ATP1B3: variants seen among roughly 807,000 people sequenced by gnomAD.
ATP1B3 encodes ATPase Na+/K+ transporting subunit beta 3, also known as sodium/potassium-transporting ATPase subunit beta-3.
A neutral mutation model predicts 30.2 loss-of-function variants in ATP1B3; 10 were observed. The observed-to-expected ratio is 0.33, with a 90% CI of 0.20 to 0.56. The LOEUF is 0.56. Among genes scored for constraint, ATP1B3 ranks in the 20% least tolerant of loss-of-function variants. The pLI is 0.90. For synonymous variants in ATP1B3, 113 were observed against 117.0 expected, an observed-to-expected ratio of 0.97 and a Z score of 0.22; for missense variants, 238 against 336.7, an observed-to-expected ratio of 0.71 and a Z score of 2.29.
At chr3:141,909,084 A>C (rs78880487) in intron 3 of ATP1B3, among the ~76,000 whole-genome samples, 1 of 151,720 alleles carries the variant, frequency 6.6e-6, no homozygotes, top group African/African-American at 2.4e-5. Flanking sequence ...AAAATCTTCA[A>C]CTCTCTCCTA....
intron 3 of ATP1B3, among the ~76,000 whole-genome samples, chr3:141,912,797 C>T (rs1421294171): frequency 6.6e-6 from 1 of 152,120 alleles, no homozygotes; most frequent in African/African-American, 2.4e-5. Context: ...CATATTTCTC[C>T]TCCCTCTTCC....
chr3:141,904,295 G>C (rs1365795207), intron 2 of ATP1B3, among the ~76,000 whole-genome samples: 1 of 147,426 alleles, frequency 6.8e-6, no homozygotes, highest in Non-Finnish European at 1.5e-5. Context: ...TGTTTTGTTT[G>C]TTTCGGTTTC....
chr3:141,925,708 T>G lies in ATP1B3; in HGVS notation c.*7T>G, dbSNP rs1278934946. The G allele has an allele frequency of 6.2e-7, 1 of 1,608,180 alleles. No individual in the cohort carries two copies. Among genetic ancestry groups the G allele is most frequent in the Admixed American group, 1.7e-5 (1 of 59,666 alleles). On this transcript the variant is annotated 3_prime_UTR_variant, in exon 7 of 7. Transcript: ENST00000286371. The stretch of plus-strand genomic sequence containing the variant: ...AATCACAGCACGTGCATAGTATGAG[T>G]AGGATATCTCCACAGAGTAAATGTT...
intron 2 of ATP1B3, among the ~76,000 whole-genome samples, chr3:141,905,849 A>T (rs1481623114): frequency 5.3e-5 from 8 of 152,128 alleles, no homozygotes; most frequent in Non-Finnish European, 1.0e-4. Flanking sequence ...AATATTTTTA[A>T]GTACACAGTT....
At chr3:141,907,089 A>G in intron 2 of ATP1B3, 78 bp from the exon 3 acceptor site, 2 of 1,069,306 alleles carry the variant, frequency 1.9e-6, no homozygotes, top group Non-Finnish European at 2.7e-6. Flanking sequence ...TAATTTGCTG[A>G]GATCTGCTTT....
Position 141,925,645 on chromosome 3 carries a change from G to T in ATP1B3, c.784G>T (p.Asp262Tyr). Reference protein sequence around the residue: ...IDGSANLKSQDDRDKFLGRVM... With the variant: ...IDGSANLKSQYDRDKFLGRVM... The stretch of plus-strand genomic sequence containing the variant: ...TGGATCAGCCAACCTAAAAAGTCAG[G>T]ATGATCGTGACAAGTTTTTGGGACG... Residue 262 changes from aspartate (D) to tyrosine (Y), a missense_variant, in exon 7 of 7, where the codon GAT becomes TAT. Asp to Tyr is a radical substitution (Grantham distance 160). Transcript: ENST00000286371. The T allele has an allele frequency of 1.2e-6, 2 of 1,613,082 alleles. No homozygotes were observed. The highest frequency in any genetic ancestry group is 1.7e-6 in the Non-Finnish European group (2 of 1,179,862).
chr3:141,886,040 C>T (rs949005768), intron 1 of ATP1B3, among the ~76,000 whole-genome samples: 5 of 152,090 alleles, frequency 3.3e-5, no homozygotes, highest in South Asian at 2.1e-4. Context: ...CCACTGCTGT[C>T]GGGTTATTTC....
chr3:141,895,165 A>G (rs1047298011), intron 1 of ATP1B3, among the ~76,000 whole-genome samples: 2 of 128,382 alleles, frequency 1.6e-5, no homozygotes, highest in Non-Finnish European at 1.7e-5. Context: ...TGTGCATGTT[A>G]TTGTCTCTTT....
chr3:141,908,336 C>T (rs1352646278), intron 3 of ATP1B3, among the ~76,000 whole-genome samples: 1 of 152,098 alleles, frequency 6.6e-6, no homozygotes, highest in Non-Finnish European at 1.5e-5. Flanking sequence ...GAGTAATCAT[C>T]GAATGTCCTG....
At chr3:141,914,048 G>A (rs1360978939) in intron 4 of ATP1B3, among the ~76,000 whole-genome samples, 1 of 152,174 alleles carries the variant, frequency 6.6e-6, no homozygotes, top group African/African-American at 2.4e-5. Flanking sequence ...ATTAATCATG[G>A]AGTAAGGAGT....
intron 1 of ATP1B3, among the ~76,000 whole-genome samples, chr3:141,890,086 C>CTTTTTTTTT (rs1245235657): frequency 1.0e-4 from 11 of 107,544 alleles, no homozygotes; most frequent in Non-Finnish European, 1.5e-4. Flanking sequence ...AATTTTTTTT[C>CTTTTTTTTT]TTTTTTTTTT....
At chr3:141,912,383 C>T (rs1934381192) in intron 3 of ATP1B3, among the ~76,000 whole-genome samples, 1 of 152,032 alleles carries the variant, frequency 6.6e-6, no homozygotes, top group African/African-American at 2.4e-5. Flanking sequence ...CAGTAGAATC[C>T]GAGTAGCTGG....
chr3:141,910,469 C>T (rs1934339229), intron 3 of ATP1B3, among the ~76,000 whole-genome samples: 1 of 152,034 alleles, frequency 6.6e-6, no homozygotes, highest in African/African-American at 2.4e-5. Flanking sequence ...CTCAGACCTT[C>T]CCTCCTTTCT....
At chr3:141,888,668 C>T (rs1449832167) in intron 1 of ATP1B3, among the ~76,000 whole-genome samples, 1 of 152,064 alleles carries the variant, frequency 6.6e-6, no homozygotes, top group Non-Finnish European at 1.5e-5. Flanking sequence ...CTCCCATAAT[C>T]CCCACATGCC....
intron 1 of ATP1B3, chr3:141,902,272 GA>G: frequency 8.2e-7 from 1 of 1,225,808 alleles, no homozygotes; most frequent in Non-Finnish European, 1.1e-6. Flanking sequence ...ATTATAAAAT[GA>G]AATTGCTTTA....
chr3:141,881,132 G>A (rs1933716217), intron 1 of ATP1B3, among the ~76,000 whole-genome samples: 1 of 151,678 alleles, frequency 6.6e-6, no homozygotes, highest in Non-Finnish European at 1.5e-5. Context: ...GAACCCGGGA[G>A]GTGGAGGTTA....
intron 1 of ATP1B3, chr3:141,902,140 G>C: frequency 2.3e-6 from 3 of 1,289,458 alleles, no homozygotes; most frequent in Non-Finnish European, 3.0e-6. Flanking sequence ...CAACAGGATC[G>C]CAGTATGTGG....
In ATP1B3 at chr3:141,913,661, T is replaced by C. The variant is rs776960823; in HGVS notation, c.356T>C (p.Leu119Ser). The C allele has an allele frequency of 7.5e-6, 12 of 1,610,606 alleles. No homozygotes were observed. In the South Asian group the frequency reaches 1.1e-4, roughly 15 times the overall value. Residue 119 changes from leucine to serine, a missense_variant, in exon 4 of 7, where the codon TTA (leucine) becomes TCA (serine). Physicochemically the swap from Leu to Ser is moderately radical, Grantham distance 145. Coordinates refer to ENST00000286371, the MANE Select transcript of ATP1B3 (RefSeq NM_001679.4). The stretch of plus-strand genomic sequence containing the variant: ...TATGTTTCCTTTTTAGCATATACTT[T>C]AGAAGAACAGAAGAACCTCACAGTC... The part of the protein sequence containing the change: ...DLKKFLKPYT[L>S]EEQKNLTVCP...
intron 1 of ATP1B3, among the ~76,000 whole-genome samples, chr3:141,888,388 G>T (rs577633633): frequency 6.2e-4 from 94 of 152,138 alleles, no homozygotes; most frequent in African/African-American, 2.1e-3. Context: ...TATATATGTG[G>T]AGTATATAGA....
Sources: gnomAD v4.1 joint callset for allele counts (sites outside exome capture counted in the v4.1 genomes callset) on GRCh38, gnomAD v4.1.1 for gene constraint, MANE v1.5 for transcripts, NCBI Gene and HGNC (gene_info 2026-07-23, HGNC 2026-07-21) for gene names.